ERO1B: variants seen among roughly 807,000 people sequenced by gnomAD.
ERO1B encodes endoplasmic reticulum oxidoreductase 1 beta, also known as ERO1-like protein beta.
ERO1B carries 49 observed loss-of-function variants against 75.3 expected under a neutral mutation model. The observed-to-expected ratio is 0.65, with a 90% CI of 0.52 to 0.83. The LOEUF (loss-of-function observed/expected upper bound fraction) is 0.83, where lower values mean the gene tolerates loss of function less well. Among genes scored for constraint, ERO1B ranks in the 40% least tolerant of loss-of-function variants. ERO1B has a pLI of 0.00. For missense variants in ERO1B, 512 were observed against 560.1 expected, an observed-to-expected ratio of 0.91 and a Z score of 0.87; for synonymous variants, 191 against 192.9, an observed-to-expected ratio of 0.99 and a Z score of 0.08.
chr1:236,250,989 G>A (rs1630800), intron 4 of ERO1B, among the ~76,000 whole-genome samples: 37,721 of 151,860 alleles, frequency 0.25, 4,876 homozygotes, highest in East Asian at 0.38. Context: ...GTGCATTACT[G>A]TTTGAAATAG....
chr1:236,266,326 G>C (rs898392106), intron 2 of ERO1B, among the ~76,000 whole-genome samples: 3 of 152,166 alleles, frequency 2.0e-5, no homozygotes, highest in African/African-American at 7.2e-5. Flanking sequence ...CTTTTTGGTT[G>C]GGCATGGTGG....
intron 15 of ERO1B, among the ~76,000 whole-genome samples, chr1:236,219,006 T>C (rs953916256): frequency 2.0e-5 from 3 of 152,090 alleles, no homozygotes; most frequent in Admixed American, 1.3e-4. Context: ...CCCATACCCA[T>C]TGATGCTTAT....
At chr1:236,233,171 T>A (rs1486309495) in intron 8 of ERO1B, among the ~76,000 whole-genome samples, 1 of 151,752 alleles carries the variant, frequency 6.6e-6, no homozygotes, top group Non-Finnish European at 1.5e-5. Flanking sequence ...TAGCCAGGCA[T>A]GGTGGCATGT....
Position 236,250,618 on chromosome 1 carries a change from T to TATATATATATGTATAG in ERO1B, c.349-652_349-651insCTATACATATATATAT, listed in dbSNP as rs1491338079. Among the ~76,000 whole-genome samples the TATATATATATGTATAG allele has an allele frequency of 3.0e-4, 33 of 110,254 alleles. 5 individuals carry two copies. The highest frequency in any genetic ancestry group is 9.5e-4 in the South Asian group (3 of 3,154). The allele number at this position is 110,254 out of a possible 152,430, so 72.3% of individuals were successfully genotyped here. On this transcript the variant is annotated intron_variant, in intron 4 of 15. Transcript: ENST00000354619. Reference sequence around the variant, plus strand: ...ATATATATATATATATATATATATATCAAACGTGTGTGTGCAAACATATAT... The same window carrying TATATATATATGTATAG: ...ATATATATATATATATATATATATATATATATATATGTATAGCAAACGTGTGTGTGCAAACATATAT...
In ERO1B at chr1:236,236,372, C is replaced by T; in HGVS notation, c.532G>A (p.Val178Ile). The change falls in exon 7 of 16, where the codon GTA (valine) becomes ATA (isoleucine). Residue 178 changes from valine to isoleucine, a missense_variant. By Grantham distance (29) the Val-to-Ile change is conservative. Coordinates refer to ENST00000354619, the MANE Select transcript of ERO1B (RefSeq NM_019891.4). ...DDERSPAAQYVDLLLNPERYT... is the reference protein window; with the variant it reads ...DDERSPAAQYIDLLLNPERYT... The stretch of plus-strand genomic sequence containing the variant: ...CGCTCTGGGTTCAGCAATAGGTCTA[C>T]ATACTGAGCAGCTGGAGATCTCTCA... 6.2e-7 allele frequency: 1 copy of T among 1,613,820 alleles called. No homozygotes were observed. The highest frequency in any genetic ancestry group is 8.5e-7 in the Non-Finnish European group (1 of 1,179,890).
chr1:236,265,047 CTT>C lies in ERO1B; in HGVS notation c.222+4826_222+4827del, dbSNP rs35846063. Among the ~76,000 whole-genome samples, 431 of 147,312 alleles carry C rather than the reference CTT, an allele frequency of 2.9e-3. 6 individuals are homozygous for C. Among genetic ancestry groups the C allele is most frequent in the African/African-American group, 7.0e-3 (278 of 39,894 alleles). The stretch of plus-strand genomic sequence containing the variant: ...TTTATGGCTCTAGTTATTTTTTTCT[CTT>C]TTTTTTTTTTTTAAATCAGAGCCAT... On this transcript the variant is annotated intron_variant, in intron 2 of 15. Transcript: ENST00000354619.
chr1:236,239,861 A>ATATATATG (rs1664648228), intron 6 of ERO1B, among the ~76,000 whole-genome samples: 6 of 27,174 alleles, frequency 2.2e-4, no homozygotes, highest in Admixed American at 5.7e-4. Context: ...GTATATATGT[A>ATATATATG]TATATATATG....
Position 236,226,258 on chromosome 1 carries a change from T to G in ERO1B, c.1052+11A>C, listed in dbSNP as rs747938914. ...GAGGAGAATTTCAAATCACGGATAGTCAATTCTTACTTTGTATCTTGAAAG... is the reference window on the plus strand; with the variant it reads ...GAGGAGAATTTCAAATCACGGATAGGCAATTCTTACTTTGTATCTTGAAAG... On this transcript the variant is annotated intron_variant, in intron 12 of 15. Coordinates refer to ENST00000354619, the MANE Select transcript of ERO1B (RefSeq NM_019891.4). The G allele has an allele frequency of 6.2e-7, 1 of 1,611,982 alleles. No homozygotes were observed. The highest frequency in any genetic ancestry group is 1.1e-5 in the South Asian group (1 of 90,780).
intron 5 of ERO1B, among the ~76,000 whole-genome samples, chr1:236,244,263 A>G (rs1165807221): frequency 2.6e-5 from 4 of 152,204 alleles, no homozygotes; most frequent in Non-Finnish European, 5.9e-5. Flanking sequence ...ATATAAAGGT[A>G]AAAATCAGGT....
chr1:236,266,918 T>A (rs752877897), intron 2 of ERO1B, among the ~76,000 whole-genome samples: 1 of 152,240 alleles, frequency 6.6e-6, no homozygotes, highest in Non-Finnish European at 1.5e-5. Flanking sequence ...TTAAACTGCA[T>A]GTGTAAGAGG....
In ERO1B at chr1:236,221,771, T is replaced by TTTACTA; in HGVS notation, c.1209+152_1209+153insTAGTAA. On this transcript the variant is annotated intron_variant, in intron 14 of 15. Coordinates refer to ENST00000354619, the MANE Select transcript of ERO1B (RefSeq NM_019891.4). ...TTTCACATACATGTAACACATATAC[T>TTTACTA]TTAATTTTTTCATCAACAGAAAAAA... is the stretch of plus-strand genomic sequence containing the variant. 6.5e-6 allele frequency: 4 copies of TTTACTA among 615,932 alleles called. No homozygotes were observed. In the South Asian group the frequency reaches 8.1e-5, roughly 13 times the overall value. The allele number at this position is 615,932 out of a possible 1,614,324, so 38.2% of individuals were successfully genotyped here. A position where few individuals can be genotyped will look rare whatever the true frequency, so the allele number is the denominator to read the frequency against.
At chr1:236,269,776 C>T (rs1267695795) in intron 2 of ERO1B, 99 bp downstream of exon 2, 2 of 884,668 alleles carry the variant, frequency 2.3e-6, no homozygotes, top group Non-Finnish European at 3.5e-6. Context: ...GAAAGATATA[C>T]ACAAGGTGCT....
chr1:236,259,961 A>G (rs527551827), intron 2 of ERO1B, among the ~76,000 whole-genome samples: 1 of 152,350 alleles, frequency 6.6e-6, no homozygotes, highest in East Asian at 1.9e-4. Flanking sequence ...AACATTCTCC[A>G]GGATAGAGCA....
At chr1:236,256,906 C>G (rs77883430) in intron 2 of ERO1B, among the ~76,000 whole-genome samples, 4 of 91,564 alleles carry the variant, frequency 4.4e-5, no homozygotes, top group African/African-American at 1.4e-4. Flanking sequence ...CAGCAGCTAT[C>G]TCTCTCTTCC....
chr1:236,281,924 G>A lies in ERO1B; in HGVS notation c.-141C>T, dbSNP rs1443498399. On this transcript the variant is annotated 5_prime_UTR_variant, in exon 1 of 16. Transcript: ENST00000354619. Reference sequence around the variant, plus strand: ...AGGTCTGCACTCCAGTCCGGAGGCAGGCGACTCTTTCCCCAACACCCGGCA... The same window carrying A: ...AGGTCTGCACTCCAGTCCGGAGGCAAGCGACTCTTTCCCCAACACCCGGCA... 1.1e-5 allele frequency: 5 copies of A among 472,238 alleles called. No homozygotes were observed. The highest frequency in any genetic ancestry group is 3.5e-5 in the East Asian group (1 of 28,244). The allele number at this position is 472,238 out of a possible 1,614,324, so 29.3% of individuals were successfully genotyped here. A position where few individuals can be genotyped will look rare whatever the true frequency, so the allele number is the denominator to read the frequency against.
In ERO1B at chr1:236,230,611, C is replaced by CAAA. The variant is rs397983348; in HGVS notation, c.686-364_686-362dup. 1.9e-3 allele frequency among the ~76,000 whole-genome samples: 110 copies of CAAA among 58,558 alleles called. 3 individuals carry two copies. Among genetic ancestry groups the CAAA allele is most frequent in the Middle Eastern group, 0.011 (1 of 94 alleles). 38.4% of individuals were successfully genotyped at this position (58,558 alleles called of 152,430 possible). A position where few individuals can be genotyped will look rare whatever the true frequency, so the allele number is the denominator to read the frequency against. ...TGGGTGACAGAGTGAGACCCTGTCT[C>CAAA]AAAAAAAAAAAAAAAAAAAAAAAAA... On this transcript the variant is annotated intron_variant, in intron 9 of 15. Transcript: ENST00000354619.
At position 236,239,861 on chromosome 1, in the gene ERO1B, A is replaced by ATATATATGTG. The variant is rs1664648228; in HGVS notation, c.506-3464_506-3463insCACATATATA. 2.6e-3 allele frequency among the ~76,000 whole-genome samples: 70 copies of ATATATATGTG among 27,166 alleles called. 1 individual carries two copies. Among genetic ancestry groups the ATATATATGTG allele is most frequent in the South Asian group, 5.5e-3 (4 of 728 alleles). The allele number at this position is 27,166 out of a possible 152,430, so 17.8% of individuals were successfully genotyped here. A position where few individuals can be genotyped will look rare whatever the true frequency, so the allele number is the denominator to read the frequency against. On this transcript the variant is annotated intron_variant, in intron 6 of 15. Transcript: ENST00000354619. ...TGTATATATATATGTGTATATATGT[A>ATATATATGTG]TATATATATGTGTATATGTGTGTGT... is the stretch of plus-strand genomic sequence containing the variant.
At chr1:236,256,458 G>A (rs1328530435) in intron 2 of ERO1B, among the ~76,000 whole-genome samples, 1 of 152,086 alleles carries the variant, frequency 6.6e-6, no homozygotes, top group Non-Finnish European at 1.5e-5. Flanking sequence ...CGAATGGAAG[G>A]GACAGCACTT....
At chr1:236,256,182 T>C (rs1351541775) in intron 2 of ERO1B, among the ~76,000 whole-genome samples, 1 of 152,216 alleles carries the variant, frequency 6.6e-6, no homozygotes, top group Non-Finnish European at 1.5e-5. Flanking sequence ...CAGCACCCTC[T>C]GCGCTTTCTT....
Sources: gnomAD v4.1 joint callset for allele counts (sites outside exome capture counted in the v4.1 genomes callset) on GRCh38, gnomAD v4.1.1 for gene constraint, MANE v1.5 for transcripts, NCBI Gene and HGNC (gene_info 2026-07-23, HGNC 2026-07-21) for gene names.